NUCB2: variants seen among roughly 807,000 people sequenced by gnomAD.
NUCB2 encodes the protein nucleobindin 2.
A neutral mutation model predicts 57.9 loss-of-function variants in NUCB2; 48 were observed. That is an observed-to-expected ratio of 0.83 (90% CI 0.66 to 1.05). NUCB2 has a LOEUF of 1.05. Ranked by LOEUF, NUCB2 falls within the 50% of genes least tolerant of loss-of-function variation. The probability of loss-of-function intolerance (pLI) is 0.00; values close to 1 mark genes in which losing one functional copy is unlikely to be tolerated. For synonymous variants in NUCB2, 139 were observed against 152.1 expected, an observed-to-expected ratio of 0.91 and a Z score of 0.64; for missense variants, 442 against 476.2, an observed-to-expected ratio of 0.93 and a Z score of 0.67.
chr11:17,303,144 T>C (rs990269343), intron 5 of NUCB2, among the ~76,000 whole-genome samples: 7 of 152,182 alleles, frequency 4.6e-5, no homozygotes, highest in African/African-American at 1.7e-4. Context: ...GGATTACATA[T>C]GCATAAGAAT....
intron 2 of NUCB2, among the ~76,000 whole-genome samples, chr11:17,347,222 G>A (rs1473044028): frequency 6.6e-6 from 1 of 152,016 alleles, no homozygotes; most frequent in Non-Finnish European, 1.5e-5. Flanking sequence ...GATACACAAA[G>A]GGTTACGTTC....
intron 11 of NUCB2, among the ~76,000 whole-genome samples, chr11:17,326,880 T>G (rs1950754762): frequency 6.6e-6 from 1 of 152,186 alleles, no homozygotes; most frequent in South Asian, 2.1e-4. Flanking sequence ...TCACATTTCT[T>G]ATAGGACAAG....
intron 1 of NUCB2, among the ~76,000 whole-genome samples, chr11:17,280,408 C>T: frequency 6.6e-6 from 1 of 152,182 alleles, no homozygotes; most frequent in East Asian, 1.9e-4. Flanking sequence ...CCTCACTTTC[C>T]TGTTGACTTT....
At position 17,305,191 on chromosome 11, in the gene NUCB2, G is replaced by A. The variant is rs1947421291; in HGVS notation, c.379+3321G>A. ...ATACAAAAATTAGCTGGGCATGGTAGCACATGCCTGTAATCCCAGCTACAC... is the reference window on the plus strand; with the variant it reads ...ATACAAAAATTAGCTGGGCATGGTAACACATGCCTGTAATCCCAGCTACAC... On this transcript the variant is annotated intron_variant, in intron 5 of 13. Coordinates refer to ENST00000529010, the MANE Select transcript of NUCB2 (RefSeq NM_005013.4). Among the ~76,000 whole-genome samples the A allele has an allele frequency of 2.0e-5, 3 of 152,290 alleles. No homozygotes were observed. In the South Asian group the frequency reaches 6.2e-4, roughly 32 times the overall value.
intron 2 of NUCB2, among the ~76,000 whole-genome samples, chr11:17,337,875 T>C (rs1951941798): frequency 6.6e-6 from 1 of 152,202 alleles, no homozygotes; most frequent in African/African-American, 2.4e-5. Flanking sequence ...CCCCAGGTGA[T>C]CTGCCCGCCT....
intron 11 of NUCB2, among the ~76,000 whole-genome samples, chr11:17,321,552 A>G (rs1465090508): frequency 2.6e-5 from 4 of 152,192 alleles, no homozygotes; most frequent in Non-Finnish European, 4.4e-5. Flanking sequence ...GAACAGTACT[A>G]CAACAAACAT....
At position 17,295,309 on chromosome 11, in the gene NUCB2, A is replaced by T; in HGVS notation, c.1-15A>T. ...CATTATTCATGACTTTACCATAATT[A>T]CTCCTTTATTTCAGATGAGGTGGAG... is the stretch of plus-strand genomic sequence containing the variant. On this transcript the variant is annotated splice_polypyrimidine_tract_variant and intron_variant, in intron 2 of 13. Coordinates refer to ENST00000529010, the MANE Select transcript of NUCB2 (RefSeq NM_005013.4). 1 of 1,597,100 alleles carries T rather than the reference A, an allele frequency of 6.3e-7. No homozygotes were observed. The highest frequency in any genetic ancestry group is 8.5e-7 in the Non-Finnish European group (1 of 1,172,576).
chr11:17,315,517 T>G, intron 11 of NUCB2, 42 bp downstream of exon 11: 1 of 1,159,820 alleles, frequency 8.6e-7, no homozygotes, highest in Non-Finnish European at 1.3e-6. Flanking sequence ...GTTCAACAAA[T>G]TCTACATCAG....
exon 3 of NUCB2, chr11:17,349,455 G>A (rs1002231112): frequency 2.0e-5 from 3 of 152,198 alleles, no homozygotes; most frequent in Admixed American, 6.5e-5. Context: ...ACACTGTGGT[G>A]CAAGATGTCT....
chr11:17,292,493 T>C (rs1269312853), intron 2 of NUCB2, among the ~76,000 whole-genome samples: 1 of 152,152 alleles, frequency 6.6e-6, no homozygotes, highest in Non-Finnish European at 1.5e-5. Flanking sequence ...TTAAAACAGA[T>C]TGTGAGGCCC....
At chr11:17,317,973 G>GTTTTTTTTTTT (rs568298872) in intron 11 of NUCB2, among the ~76,000 whole-genome samples, 2 of 123,528 alleles carry the variant, frequency 1.6e-5, no homozygotes, top group Non-Finnish European at 1.7e-5. Context: ...AAAGAAGTCA[G>GTTTTTTTTTTT]CTTTTTTTTT....
At position 17,291,323 on chromosome 11, in the gene NUCB2, G is replaced by A. The variant is rs146940409; in HGVS notation, c.1-4001G>A. The A allele has an allele frequency of 8.4e-3, 1,296 of 155,140 alleles. 20 individuals carry two copies. The highest frequency in any genetic ancestry group is 0.029 in the African/African-American group (1,217 of 41,598). 9.6% of individuals were successfully genotyped at this position (155,140 alleles called of 1,614,324 possible). A position where few individuals can be genotyped will look rare whatever the true frequency, so the allele number is the denominator to read the frequency against. On this transcript the variant is annotated intron_variant, in intron 2 of 13. Coordinates refer to ENST00000529010, the MANE Select transcript of NUCB2 (RefSeq NM_005013.4). ...GCACTTTGGGAGGCTGAGGCGGGCAGATCACCTGAGGTCAGGAGTTCAAGA... is the reference window on the plus strand; with the variant it reads ...GCACTTTGGGAGGCTGAGGCGGGCAAATCACCTGAGGTCAGGAGTTCAAGA...
chr11:17,329,833 A>G (rs1951165609), intron 11 of NUCB2, among the ~76,000 whole-genome samples: 1 of 151,888 alleles, frequency 6.6e-6, no homozygotes, highest in African/African-American at 2.4e-5. Context: ...GGTTGGGGGG[A>G]ATGACAAATT....
intron 11 of NUCB2, among the ~76,000 whole-genome samples, chr11:17,325,457 T>G (rs1431315016): frequency 6.6e-6 from 1 of 152,244 alleles, no homozygotes; most frequent in Non-Finnish European, 1.5e-5. Flanking sequence ...AGTTTTTGTC[T>G]TGACCTCTGT....
intron 2 of NUCB2, among the ~76,000 whole-genome samples, chr11:17,288,552 C>CTTCTTTTTTTTTTTTTTTT (rs1375589442): frequency 4.0e-5 from 4 of 101,190 alleles, no homozygotes; most frequent in African/African-American, 1.8e-4. Context: ...TCTTCTTCTT[C>CTTCTTTTTTTTTTTTTTTT]TTTTTTTTTT....
chr11:17,294,139 T>C (rs1205035567), intron 2 of NUCB2, among the ~76,000 whole-genome samples: 1 of 152,240 alleles, frequency 6.6e-6, no homozygotes, highest in Non-Finnish European at 1.5e-5. Flanking sequence ...AAAGTAATTG[T>C]GGGGAAGAGG....
intron 11 of NUCB2, among the ~76,000 whole-genome samples, chr11:17,316,498 C>T (rs907120608): frequency 6.6e-6 from 1 of 152,142 alleles, no homozygotes; most frequent in African/African-American, 2.4e-5. Flanking sequence ...CAGTATTTTA[C>T]TGTAATGACA....
At chr11:17,304,761 A>G (rs963339140) in intron 5 of NUCB2, among the ~76,000 whole-genome samples, 2 of 152,224 alleles carry the variant, frequency 1.3e-5, no homozygotes, top group Non-Finnish European at 2.9e-5. Context: ...GACTCCATTT[A>G]CAATAGCAAC....
chr11:17,308,287 C>T (rs890754951), intron 5 of NUCB2, among the ~76,000 whole-genome samples: 22 of 152,166 alleles, frequency 1.4e-4, no homozygotes, highest in Admixed American at 1.0e-3. Context: ...GCACTAGGTA[C>T]GCTCCTTGCT....
Sources: gnomAD v4.1 joint callset for allele counts (sites outside exome capture counted in the v4.1 genomes callset) on GRCh38, gnomAD v4.1.1 for gene constraint, MANE v1.5 for transcripts, NCBI Gene and HGNC (gene_info 2026-07-23, HGNC 2026-07-21) for gene names.